Variants in MAGI2 observed in about 807,000 individuals in gnomAD.
MAGI2 encodes membrane-associated guanylate kinase, WW and PDZ domain-containing protein 2.
In MAGI2, 35 loss-of-function variants were observed where a neutral mutation model predicts 133.3. The observed-to-expected ratio is 0.26, with a 90% confidence interval of 0.20 to 0.35. The LOEUF (loss-of-function observed/expected upper bound fraction) is 0.35, where lower values mean the gene tolerates loss of function less well. Ranked by LOEUF, MAGI2 falls within the 10% of genes least tolerant of loss-of-function variation. The pLI is 1.00. For missense variants in MAGI2, 1,636 were observed against 1,863.4 expected (o/e 0.88, Z 2.25); for synonymous variants, 729 against 710.6 (o/e 1.03, Z -0.41).
intron 2 of MAGI2, among the ~76,000 whole-genome samples, chr7:78,718,115 G>A (rs1208416110): frequency 6.6e-6 from 1 of 152,188 alleles, no homozygotes; most frequent in Admixed American, 6.5e-5. Flanking sequence ...TGCTTATTAA[G>A]TAGAAAAGCA....
At chr7:78,469,733 TG>T (rs1320131949) in intron 6 of MAGI2, among the ~76,000 whole-genome samples, 1 of 152,164 alleles carries the variant, frequency 6.6e-6, no homozygotes, top group Non-Finnish European at 1.5e-5. Context: ...ACTTTACCTC[TG>T]GGATGAGATT....
chr7:78,882,951 T>A (rs1466294891), intron 2 of MAGI2, among the ~76,000 whole-genome samples: 1 of 151,842 alleles, frequency 6.6e-6, no homozygotes, highest in African/African-American at 2.4e-5. Context: ...AGAAAGAAGA[T>A]AAGGATGCCC....
intron 19 of MAGI2, among the ~76,000 whole-genome samples, chr7:78,126,489 C>T (rs2107660): frequency 0.86 from 130,395 of 152,206 alleles, 56,245 homozygotes; most frequent in African/African-American, 0.91. Context: ...TATGTAGTTA[C>T]GAAGTAGGAA....
chr7:78,198,428 G>GTTTTTTTTT, intron 11 of MAGI2, among the ~76,000 whole-genome samples: 1 of 97,494 alleles, frequency 1.0e-5, no homozygotes, highest in South Asian at 4.0e-4. Flanking sequence ...GGCTGTGGCC[G>GTTTTTTTTT]TTTTTTTTTT....
At chr7:78,647,647 A>G (rs529196682) in intron 2 of MAGI2, among the ~76,000 whole-genome samples, 1 of 152,366 alleles carries the variant, frequency 6.6e-6, no homozygotes, top group Non-Finnish European at 1.5e-5. Context: ...ATTACTGGGT[A>G]TATACCCAAA....
intron 7 of MAGI2, among the ~76,000 whole-genome samples, chr7:78,364,578 A>G (rs984720937): frequency 1.3e-5 from 2 of 152,248 alleles, no homozygotes; most frequent in Non-Finnish European, 2.9e-5. Flanking sequence ...CACACCTGCC[A>G]GTCTCCACTA....
At chr7:78,702,609 G>A (rs1818194390) in intron 2 of MAGI2, among the ~76,000 whole-genome samples, 1 of 151,918 alleles carries the variant, frequency 6.6e-6, no homozygotes, top group Admixed American at 6.6e-5. Flanking sequence ...AATATTATCT[G>A]CTATGGTCAT....
intron 20 of MAGI2, among the ~76,000 whole-genome samples, chr7:78,081,542 CG>C (rs957562402): frequency 3.9e-5 from 6 of 152,036 alleles, no homozygotes; most frequent in Admixed American, 6.5e-5. Flanking sequence ...GGTGACATAT[CG>C]GTTGAGTTTT....
intron 6 of MAGI2, among the ~76,000 whole-genome samples, chr7:78,422,785 T>C (rs1798919566): frequency 6.6e-6 from 1 of 152,168 alleles, no homozygotes; most frequent in Non-Finnish European, 1.5e-5. Context: ...TTGATTTAAA[T>C]TTATTCCCAT....
chr7:79,311,434 G>A (rs1281312672), intron 1 of MAGI2, among the ~76,000 whole-genome samples: 1 of 152,040 alleles, frequency 6.6e-6, no homozygotes, highest in Non-Finnish European at 1.5e-5. Flanking sequence ...CTGCATGCGG[G>A]CTGTGGGCCA....
intron 2 of MAGI2, among the ~76,000 whole-genome samples, chr7:78,906,160 T>C (rs1181414058): frequency 6.6e-6 from 1 of 152,210 alleles, no homozygotes; most frequent in African/African-American, 2.4e-5. Context: ...TGTAGGCATG[T>C]TGATTGTTAT....
intron 6 of MAGI2, among the ~76,000 whole-genome samples, chr7:78,468,576 T>G (rs1015204773): frequency 6.6e-6 from 1 of 152,182 alleles, no homozygotes; most frequent in East Asian, 1.9e-4. Flanking sequence ...TCATTTCAAC[T>G]ATATTGCACA....
At chr7:78,665,750 T>C (rs1813491582) in intron 2 of MAGI2, among the ~76,000 whole-genome samples, 3 of 152,082 alleles carry the variant, frequency 2.0e-5, no homozygotes, top group South Asian at 4.1e-4. Flanking sequence ...AAATAATACA[T>C]GGAAAGAATC....
At chr7:78,548,308 A>C (rs1799041363) in intron 3 of MAGI2, among the ~76,000 whole-genome samples, 1 of 152,232 alleles carries the variant, frequency 6.6e-6, no homozygotes, top group Admixed American at 6.5e-5. Context: ...GTTCTTTGTT[A>C]CATGAAGCTA....
At chr7:78,495,968 T>C (rs984724615) in intron 5 of MAGI2, among the ~76,000 whole-genome samples, 3 of 152,200 alleles carry the variant, frequency 2.0e-5, no homozygotes, top group Non-Finnish European at 2.9e-5. Context: ...TTGTGACTAG[T>C]ACGATATGTC....
chr7:79,141,759 T>C lies in MAGI2; in HGVS notation c.302-134553A>G, dbSNP rs574333344. ...GTTGGCTTTGTTCGTGTTTTTTTTT[T>C]CGCAGATCTGGAAGAGTTGCCATGC... On this transcript the variant is annotated intron_variant, in intron 1 of 21. Transcript: ENST00000354212. Among the ~76,000 whole-genome samples, 8 of 151,868 alleles carry C rather than the reference T, an allele frequency of 5.3e-5. No individual in the cohort carries two copies. The South Asian group carries it at 6.2e-4, about 12-fold the overall frequency.
intron 1 of MAGI2, among the ~76,000 whole-genome samples, chr7:79,186,751 G>GTATA (rs67211187): frequency 8.8e-4 from 114 of 129,124 alleles, no homozygotes; most frequent in South Asian, 4.6e-3. Context: ...TTATACAAAA[G>GTATA]TATATATATA....
At chr7:78,346,193 G>T in intron 7 of MAGI2, 150 bp from the exon 8 acceptor site, 1 of 784,566 alleles carries the variant, frequency 1.3e-6, no homozygotes, top group Non-Finnish European at 2.0e-6. Flanking sequence ...GCTCCTGACT[G>T]GGCTGGCCTG....
In MAGI2 at chr7:79,292,648, GA is replaced by G. The variant is rs1362658358; in HGVS notation, c.301+160371del. On this transcript the variant is annotated intron_variant, in intron 1 of 21. Transcript: ENST00000354212. ...ACCCTGCCACCAAAAAAAAATAAAA[GA>G]AAAAAAAAGTTTTAAAATTGGGAGG... Among the ~76,000 whole-genome samples the G allele has an allele frequency of 1.8e-4, 27 of 148,346 alleles. No individual in the cohort carries two copies. In the South Asian group the frequency reaches 3.0e-3, roughly 16 times the overall value.
Sources: allele counts gnomAD v4.1 joint callset (sites outside exome capture counted in the v4.1 genomes callset), GRCh38; gene constraint gnomAD v4.1.1; transcripts MANE v1.5; gene names NCBI Gene and HGNC (gene_info 2026-07-23, HGNC 2026-07-21).